MALRD1: variants seen among roughly 807,000 people sequenced by gnomAD.
MALRD1 encodes the protein MAM and LDL-receptor class A domain-containing protein 1.
Under a neutral mutation model 242.1 loss-of-function variants are expected in MALRD1, and 247 were observed. The observed-to-expected ratio is 1.02, with a 90% confidence interval of 0.92 to 1.13. The LOEUF is 1.13. MALRD1 is among the 50% of genes most tolerant of loss of function. The pLI is 0.00. For synonymous variants in MALRD1, 995 were observed against 866.6 expected (o/e 1.15, Z -2.60); for missense variants, 2,989 against 2,533.1 (o/e 1.18, Z -3.86).
chr10:19,279,966 A>G, intron 19 of MALRD1, 81 bp from the exon 20 acceptor site: 3 of 1,125,674 alleles, frequency 2.7e-6, no homozygotes, highest in Non-Finnish European at 3.6e-6. Flanking sequence ...ATATTTAGAA[A>G]GCTTCATTGT....
At chr10:19,165,391 C>T (rs1834645897) in intron 12 of MALRD1, among the ~76,000 whole-genome samples, 1 of 151,476 alleles carries the variant, frequency 6.6e-6, no homozygotes, top group Non-Finnish European at 1.5e-5. Flanking sequence ...ACCTCCCCGC[C>T]TTCTGGGTTC....
chr10:19,729,888 C>T, intron 38 of MALRD1, among the ~76,000 whole-genome samples: 1 of 151,472 alleles, frequency 6.6e-6, no homozygotes, highest in Non-Finnish European at 1.5e-5. Flanking sequence ...AGGCGCCCGC[C>T]ACCACGCCCG....
chr10:19,120,723 A>C (rs950334405), intron 5 of MALRD1, among the ~76,000 whole-genome samples: 1 of 152,158 alleles, frequency 6.6e-6, no homozygotes, highest in Non-Finnish European at 1.5e-5. Context: ...CAAATTTAAT[A>C]AAAGCCACTG....
At chr10:19,221,821 A>G (rs547246286) in intron 18 of MALRD1, among the ~76,000 whole-genome samples, 2 of 152,224 alleles carry the variant, frequency 1.3e-5, no homozygotes, top group Admixed American at 1.3e-4. Context: ...ATTAATGTGG[A>G]CTAGTGATAG....
At chr10:19,372,380 A>G (rs1845415549) in intron 26 of MALRD1, among the ~76,000 whole-genome samples, 1 of 152,208 alleles carries the variant, frequency 6.6e-6, no homozygotes. Flanking sequence ...AGAAAATATC[A>G]GAAAAATAGA....
intron 4 of MALRD1, among the ~76,000 whole-genome samples, chr10:19,095,218 T>G (rs574604182): frequency 9.2e-5 from 14 of 152,360 alleles, no homozygotes; most frequent in African/African-American, 3.1e-4. Context: ...GAACAGGATA[T>G]TCATTGTAAA....
chr10:19,558,004 T>A (rs1483104677), intron 32 of MALRD1, among the ~76,000 whole-genome samples: 1 of 152,058 alleles, frequency 6.6e-6, no homozygotes, highest in Non-Finnish European at 1.5e-5. Context: ...TATTTCTTTT[T>A]TGGTGCTAAT....
intron 27 of MALRD1, chr10:19,389,180 T>A (rs1414369054): frequency 3.9e-6 from 2 of 511,332 alleles, no homozygotes; most frequent in Admixed American, 5.0e-5. Flanking sequence ...ATAATTTTTG[T>A]AGCTATCTTG....
At chr10:19,053,849 G>T (rs1459995217) in intron 1 of MALRD1, among the ~76,000 whole-genome samples, 1 of 151,526 alleles carries the variant, frequency 6.6e-6, no homozygotes. Flanking sequence ...TATTTTACAT[G>T]AACTTCTTTT....
intron 28 of MALRD1, among the ~76,000 whole-genome samples, chr10:19,440,505 C>T (rs1834580003): frequency 1.3e-5 from 2 of 152,094 alleles, no homozygotes; most frequent in Admixed American, 6.6e-5. Context: ...GCAACAACCC[C>T]ACAACAGGAC....
chr10:19,565,787 T>G (rs1836224754), intron 32 of MALRD1, among the ~76,000 whole-genome samples: 1 of 152,204 alleles, frequency 6.6e-6, no homozygotes. Context: ...AAGTAATTTT[T>G]TGCTTGAGAA....
chr10:19,126,518 T>A (rs1415098479), intron 7 of MALRD1, among the ~76,000 whole-genome samples: 4 of 152,076 alleles, frequency 2.6e-5, no homozygotes, highest in Admixed American at 6.5e-5. Context: ...AAGTCTTAAT[T>A]TATTTTTGTT....
chr10:19,375,923 A>G (rs1845569575), intron 26 of MALRD1, among the ~76,000 whole-genome samples: 2 of 152,166 alleles, frequency 1.3e-5, no homozygotes, highest in Non-Finnish European at 2.9e-5. Context: ...ACAGATCGAG[A>G]CCATCCTGGC....
At chr10:19,575,483 TCACA>T (rs66882231) in intron 33 of MALRD1, among the ~76,000 whole-genome samples, 6,553 of 147,842 alleles carry the variant, frequency 0.044, 358 homozygotes, top group African/African-American at 0.13. Context: ...AGGCCATGGT[TCACA>T]CACACACACA....
At position 19,051,938 on chromosome 10, in the gene MALRD1, A is replaced by C. The variant is rs1298726070; in HGVS notation, c.199+2801A>C. On this transcript the variant is annotated intron_variant, in intron 1 of 39. Transcript: ENST00000454679. ...CTCCGTCTCAAAAAAAAAAAAAAAA[A>C]AAAAAAAAAAAAAAGGAAAGCCAAA... is the stretch of plus-strand genomic sequence containing the variant. 37 of 193,708 alleles carry C rather than the reference A, an allele frequency of 1.9e-4. 1 individual carries two copies. The highest frequency in any genetic ancestry group is 2.2e-3 in the Middle Eastern group (1 of 448). The allele number at this position is 193,708 out of a possible 1,614,324, so 12.0% of individuals were successfully genotyped here.
chr10:19,714,222 G>T (rs1453662195), intron 38 of MALRD1, among the ~76,000 whole-genome samples: 2 of 152,186 alleles, frequency 1.3e-5, no homozygotes, highest in South Asian at 2.1e-4. Context: ...TGGCTGCAAG[G>T]GTTTTTATTG....
intron 32 of MALRD1, among the ~76,000 whole-genome samples, chr10:19,546,715 A>T (rs3852473): frequency 0.68 from 103,668 of 152,100 alleles, 39,702 homozygotes; most frequent in Non-Finnish European, 0.84. Context: ...ATGTATTTTC[A>T]TCAAAAAGTT....
intron 31 of MALRD1, among the ~76,000 whole-genome samples, chr10:19,500,811 G>A (rs1837933858): frequency 6.6e-6 from 1 of 152,128 alleles, no homozygotes; most frequent in Non-Finnish European, 1.5e-5. Flanking sequence ...TCATTTATAT[G>A]TTCCTTCCTT....
chr10:19,169,395 C>T (rs543411131), intron 13 of MALRD1, among the ~76,000 whole-genome samples: 1 of 152,250 alleles, frequency 6.6e-6, no homozygotes, highest in Non-Finnish European at 1.5e-5. Context: ...ATATTTAATA[C>T]ATGAGTATTG....
Sources: allele counts gnomAD v4.1 joint callset (sites outside exome capture counted in the v4.1 genomes callset), GRCh38; gene constraint gnomAD v4.1.1; transcripts MANE v1.5; gene names NCBI Gene and HGNC (gene_info 2026-07-23, HGNC 2026-07-21).